Variants in FERMT1 observed in about 807,000 individuals in gnomAD.
The protein encoded by FERMT1 is fermitin family homolog 1.
In FERMT1, 60 loss-of-function variants were observed where a neutral mutation model predicts 85.3. That is an observed-to-expected ratio of 0.70 (90% confidence interval 0.57 to 0.87). The LOEUF (loss-of-function observed/expected upper bound fraction) is 0.87, where lower values mean the gene tolerates loss of function less well. Ranked by LOEUF, FERMT1 falls within the 40% of genes least tolerant of loss-of-function variation. The pLI, the probability that FERMT1 is intolerant of heterozygous loss-of-function variation, is 0.00. For synonymous variants in FERMT1, 275 were observed against 301.1 expected (o/e 0.91, Z 0.90); for missense variants, 701 against 818.9 (o/e 0.86, Z 1.76).
rs1406182260 is a variant in FERMT1 at position 6,083,932 on chromosome 20, CAAAT to C, written c.1718+104_1718+107del. On this transcript the variant is annotated intron_variant, in intron 13 of 14. Coordinates refer to ENST00000217289, the MANE Select transcript of FERMT1 (RefSeq NM_017671.5). ...ACTATTTATAAAAGGGCAATATTCT[CAAAT>C]AAAAAGCATTCTATATTCTATGCTA... 4 of 1,334,022 alleles carry C rather than the reference CAAAT, an allele frequency of 3.0e-6. No individual in the cohort carries two copies. In the South Asian group the frequency reaches 3.7e-5, roughly 12 times the overall value. The allele number at this position is 1,334,022 out of a possible 1,614,324, so 82.6% of individuals were successfully genotyped here. A position where few individuals can be genotyped will look rare whatever the true frequency, so the allele number is the denominator to read the frequency against.
chr20:6,108,866 C>T (rs6516104), intron 5 of FERMT1, among the ~76,000 whole-genome samples: 21,523 of 151,138 alleles, frequency 0.14, 2,067 homozygotes, highest in African/African-American at 0.28. Flanking sequence ...AGAATCCATA[C>T]GTCCTGACTA....
At chr20:6,093,278 T>G (rs1415222939) in intron 9 of FERMT1, among the ~76,000 whole-genome samples, 4 of 152,204 alleles carry the variant, frequency 2.6e-5, no homozygotes, top group African/African-American at 9.7e-5. Context: ...CATTTGTTTC[T>G]TCTTTCCATG....
chr20:6,083,124 G>C (rs1444582243), intron 13 of FERMT1, among the ~76,000 whole-genome samples: 1 of 152,154 alleles, frequency 6.6e-6, no homozygotes, highest in East Asian at 1.9e-4. Flanking sequence ...TAGGATTGGG[G>C]GTAGATTTTG....
chr20:6,107,621 A>G lies in FERMT1; in HGVS notation c.760T>C (p.Ser254Pro). 6.2e-7 allele frequency: 1 copy of G among 1,606,914 alleles called. No individual in the cohort carries two copies. The highest frequency in any genetic ancestry group is 1.1e-5 in the South Asian group (1 of 90,936). Residue 254 changes from serine to proline, a missense_variant, in exon 6 of 15, where the codon TCA becomes CCA. Transcript: ENST00000217289. ...ATGCCTTGTTCCATAAGGGAGCGTGAGGAGTCTAGCCAACTAGAAAATGAC... is the reference window on the plus strand; with the variant it reads ...ATGCCTTGTTCCATAAGGGAGCGTGGGGAGTCTAGCCAACTAGAAAATGAC... ...AKLNAGWLDS[S>P]RSLMEQGIQE...
At chr20:6,094,413 T>A (rs1357661459) in intron 9 of FERMT1, among the ~76,000 whole-genome samples, 3 of 152,200 alleles carry the variant, frequency 2.0e-5, no homozygotes, top group Non-Finnish European at 4.4e-5. Context: ...CTTAAACAGG[T>A]AGATAAACTA....
intron 13 of FERMT1, among the ~76,000 whole-genome samples, chr20:6,083,106 C>G (rs6076933): frequency 0.36 from 54,445 of 152,074 alleles, 10,179 homozygotes; most frequent in East Asian, 0.62. Context: ...ACAGTACTTG[C>G]TGTACTGTAG....
At chr20:6,092,259 T>C (rs1453310455) in intron 9 of FERMT1, among the ~76,000 whole-genome samples, 2 of 152,174 alleles carry the variant, frequency 1.3e-5, no homozygotes, top group Non-Finnish European at 2.9e-5. Context: ...TAAATTTGTA[T>C]CTAGGCTGGG....
chr20:6,085,565 C>T (rs1982153720), intron 11 of FERMT1, among the ~76,000 whole-genome samples: 1 of 152,052 alleles, frequency 6.6e-6, no homozygotes, highest in Non-Finnish European at 1.5e-5. Flanking sequence ...AAAGATGATC[C>T]AAGGGCCAGG....
intron 1 of FERMT1, among the ~76,000 whole-genome samples, chr20:6,121,294 G>A (rs1983268395): frequency 6.6e-6 from 1 of 152,034 alleles, no homozygotes; most frequent in Non-Finnish European, 1.5e-5. Flanking sequence ...GTTAATTTTT[G>A]TATTTTTAGT....
rs1036408955 is a variant in FERMT1 at position 6,120,140 on chromosome 20, A to G, written c.-18-568T>C. ...TATTACATTCCTCCTACAAAAATGT[A>G]TATCTTCCCATAATAAAGCTCAAAA... On this transcript the variant is annotated intron_variant, in intron 1 of 14. Transcript: ENST00000217289. Among the ~76,000 whole-genome samples, 5 of 152,264 alleles carry G rather than the reference A, an allele frequency of 3.3e-5. No homozygotes were observed. The South Asian group carries it at 6.2e-4, about 19-fold the overall frequency.
chr20:6,105,299 AG>A (rs1391464619), intron 6 of FERMT1, among the ~76,000 whole-genome samples: 1 of 152,170 alleles, frequency 6.6e-6, no homozygotes, highest in Non-Finnish European at 1.5e-5. Flanking sequence ...GTCTCAGAGC[AG>A]GGTTCTGATT....
rs1276196159 is a variant in FERMT1 at position 6,112,349 on chromosome 20, C to T, written c.532+128G>A. Reference sequence around the variant, plus strand: ...GTTAATTCTAAACTTGACTAGATAGCCTTTCCTCATCACATCAGTTCTGCA... The same window carrying T: ...GTTAATTCTAAACTTGACTAGATAGTCTTTCCTCATCACATCAGTTCTGCA... On this transcript the variant is annotated intron_variant, in intron 4 of 14. Transcript: ENST00000217289. 1.4e-4 allele frequency: 125 copies of T among 917,842 alleles called. 1 individual carries two copies. In the East Asian group the frequency reaches 2.9e-3, roughly 22 times the overall value. The allele number at this position is 917,842 out of a possible 1,614,324, so 56.9% of individuals were successfully genotyped here.
rs1434161711 is a variant in FERMT1, at chr20:6,104,816, C to T, written c.849+2716G>A. Among the ~76,000 whole-genome samples, 1 of 152,230 alleles carries T rather than the reference C, an allele frequency of 6.6e-6. No homozygotes were observed. The highest frequency in any genetic ancestry group is 1.5e-5 in the Non-Finnish European group (1 of 68,040). Reference sequence around the variant, plus strand: ...CAAATACATATTTAACCCTGCTCCTCTATATTTATACCAATGATCTGCCAT... The same window carrying T: ...CAAATACATATTTAACCCTGCTCCTTTATATTTATACCAATGATCTGCCAT... On this transcript the variant is annotated intron_variant, in intron 6 of 14. Transcript: ENST00000217289. The surrounding 1 kb of genome is among the most constrained non-coding windows in gnomAD (Gnocchi z 4.2).
chr20:6,076,625 C>T lies in FERMT1; in HGVS notation c.*548G>A. 2 of 382,158 alleles carry T rather than the reference C, an allele frequency of 5.2e-6. No homozygotes were observed. The highest frequency in any genetic ancestry group is 2.9e-5 in the Admixed American group (1 of 34,382). The allele number at this position is 382,158 out of a possible 1,614,324, so 23.7% of individuals were successfully genotyped here. ...TCAACTGCTACCTGGTAGCCCCACC[C>T]CTCCCCTTTCTACCCCTAGACCTTG... On this transcript the variant is annotated 3_prime_UTR_variant, in exon 15 of 15. Transcript: ENST00000217289.
In FERMT1 at chr20:6,089,004, G is replaced by T. The variant is rs768269556; in HGVS notation, c.1225C>A (p.Leu409Ile). The change falls in exon 10 of 15, where the codon CTT (leucine) becomes ATT (isoleucine). Residue 409 changes from leucine to isoleucine, a missense_variant. Physicochemically the swap from Leu to Ile is conservative, Grantham distance 5. Coordinates refer to ENST00000217289, the MANE Select transcript of FERMT1 (RefSeq NM_017671.5). ...TTTTCTAGTGGTTCTCCTTGTTCAA[G>T]TTCCTTATTTTTAAAGTATGCTATG... ...TSIAYFKNKE[L>I]EQGEPLEKLN... is the part of the protein sequence containing the mutation. 5.0e-6 allele frequency: 8 copies of T among 1,611,878 alleles called. No individual in the cohort carries two copies. In the African/African-American group the frequency reaches 5.3e-5, roughly 11 times the overall value.
intron 6 of FERMT1, among the ~76,000 whole-genome samples, chr20:6,099,942 G>A (rs1253957723): frequency 6.6e-6 from 1 of 151,136 alleles, no homozygotes; most frequent in African/African-American, 2.4e-5. Flanking sequence ...GAGGCTACAG[G>A]GAGCTATGAT....
Position 6,083,773 on chromosome 20 carries a change from T to A in FERMT1, c.1718+267A>T, listed in dbSNP as rs7267464. On this transcript the variant is annotated intron_variant, in intron 13 of 14. Transcript: ENST00000217289. ...TCAATATGTGATGTTTACCCTCTGG[T>A]TTTGGAAATGTAGTTATCCTAAAAA... Among the ~76,000 whole-genome samples the A allele has an allele frequency of 0.31, 45,701 of 149,594 alleles. 7,611 individuals are homozygous for A. Among genetic ancestry groups the A allele is most frequent in the East Asian group, 0.62 (3,114 of 5,036 alleles).
intron 11 of FERMT1, 136 bp from the exon 12 acceptor site, chr20:6,085,423 G>A (rs958261869): frequency 5.4e-6 from 4 of 746,612 alleles, no homozygotes; most frequent in Non-Finnish European, 9.4e-6. Flanking sequence ...GGCACACGTT[G>A]TGAGTGGCTG....
In FERMT1 at chr20:6,084,159, G is replaced by A. The variant is rs774007627; in HGVS notation, c.1599C>T (p.Ala533=). The change falls in exon 13 of 15, where the codon GCC becomes GCT. Residue 533 remains alanine (A), a synonymous_variant. Transcript: ENST00000217289. The part of the protein sequence containing the change: ...CAKRHKSKQL[A]ARILEAHQNV... Reference sequence around the variant, plus strand: ...TCTGGTGCGCCTCCAGGATCCGGGCGGCCAGCTGAACAGAAACAGACATCA... The same window carrying A: ...TCTGGTGCGCCTCCAGGATCCGGGCAGCCAGCTGAACAGAAACAGACATCA... 113 of 1,610,924 alleles carry A rather than the reference G, an allele frequency of 7.0e-5. No homozygotes were observed. In the East Asian group the frequency reaches 8.7e-4, roughly 12 times the overall value.
Sources: gnomAD v4.1 joint callset for allele counts (sites outside exome capture counted in the v4.1 genomes callset) on GRCh38, gnomAD v4.1.1 for gene constraint, Gnocchi (gnomAD v3.1) non-coding constraint, MANE v1.5 for transcripts, NCBI Gene and HGNC (gene_info 2026-07-23, HGNC 2026-07-21) for gene names.